UBR3: variants seen among roughly 807,000 people sequenced by gnomAD.
UBR3 encodes E3 ubiquitin-protein ligase UBR3.
A neutral mutation model predicts 243.2 loss-of-function variants in UBR3; 85 were observed. That is an observed-to-expected ratio of 0.35 (90% CI 0.29 to 0.42). The LOEUF is 0.42. Among genes scored for constraint, UBR3 ranks in the 10% least tolerant of loss-of-function variants. The pLI is 1.00. For missense variants in UBR3, 1,686 were observed against 2,300.8 expected (o/e 0.73, Z 5.47); for synonymous variants, 748 against 799.8 (o/e 0.94, Z 1.09).
intron 1 of UBR3, among the ~76,000 whole-genome samples, chr2:169,854,584 ATAT>A (rs2082772306): frequency 6.6e-6 from 1 of 152,146 alleles, no homozygotes; most frequent in Non-Finnish European, 1.5e-5. Context: ...AGTTTTTTTA[ATAT>A]TATAAACTTA....
At chr2:170,054,963 G>A (rs2091301194) in intron 32 of UBR3, among the ~76,000 whole-genome samples, 1 of 152,110 alleles carries the variant, frequency 6.6e-6, no homozygotes, top group African/African-American at 2.4e-5. Context: ...ATGAATAGAG[G>A]AATTTTGCTT....
At chr2:169,989,622 A>G (rs1488705040) in intron 25 of UBR3, among the ~76,000 whole-genome samples, 1 of 152,184 alleles carries the variant, frequency 6.6e-6, no homozygotes, top group Non-Finnish European at 1.5e-5. Flanking sequence ...ATTTCACTTC[A>G]TCACCTATTT....
intron 37 of UBR3, 86 bp downstream of exon 37, chr2:170,080,109 A>C: frequency 1.7e-6 from 2 of 1,208,850 alleles, no homozygotes; most frequent in Non-Finnish European, 2.3e-6. Context: ...CATATTAACT[A>C]CTCTTTGAAT....
chr2:169,986,632 T>A lies in UBR3; in HGVS notation c.3635-13T>A, dbSNP rs1239222160. ...TCCTAAGGAATTAAAGAGATGTAAC[T>A]TTTTTCCCTCAGATTCTCCTGAGAA... On this transcript the variant is annotated splice_polypyrimidine_tract_variant and intron_variant, in intron 24 of 38. Coordinates refer to ENST00000272793, the MANE Select transcript of UBR3 (RefSeq NM_172070.4). 1 of 1,599,930 alleles carries A rather than the reference T, an allele frequency of 6.3e-7. No individual in the cohort carries two copies. The highest frequency in any genetic ancestry group is 8.5e-7 in the Non-Finnish European group (1 of 1,174,128).
rs1165084148 is a variant in UBR3, at chr2:169,926,932, A to C, written c.2299A>C (p.Thr767Pro). 6.4e-7 allele frequency: 1 copy of C among 1,551,134 alleles called. No homozygotes were observed. The highest frequency in any genetic ancestry group is 2.0e-5 in the Admixed American group (1 of 51,002). Residue 767 changes from threonine to proline, a missense_variant, in exon 16 of 39, where the codon ACA becomes CCA. Physicochemically the swap from Thr to Pro is conservative, Grantham distance 38. Around this residue, in one of 8 missense-constraint regions of UBR3, gnomAD observed 346 missense variants for 585.8 expected, o/e 0.59. Transcript: ENST00000272793. Reference sequence around the variant, plus strand: ...GAGGTCGATGTTAGAAGGCGCTCTTACATTTCTTGTGATTCTTTTGAGTCT... The same window carrying C: ...GAGGTCGATGTTAGAAGGCGCTCTTCCATTTCTTGTGATTCTTTTGAGTCT... Reference protein sequence around the residue: ...HERSMLEGALTFLVILLSLRL... With the variant: ...HERSMLEGALPFLVILLSLRL...
At chr2:169,891,611 G>GACACACACACACAC (rs202022960) in intron 6 of UBR3, among the ~76,000 whole-genome samples, 1,097 of 82,274 alleles carry the variant, frequency 0.013, 14 homozygotes, top group African/African-American at 0.041. Flanking sequence ...GAGAGAGACA[G>GACACACACACACAC]AGACACACAC....
In UBR3 at chr2:169,905,296, AT is replaced by A; in HGVS notation, c.1645+4del. On this transcript the variant is annotated splice_donor_region_variant and intron_variant, in intron 9 of 38. Transcript: ENST00000272793. ...GAACTTTGTATCTTTCTTTCAAGGT[AT>A]GAATTTTATCCCTTTGTTAATTTTT... The A allele has an allele frequency of 4.0e-6, 6 of 1,495,074 alleles. No homozygotes were observed. The highest frequency in any genetic ancestry group is 5.3e-6 in the Non-Finnish European group (6 of 1,122,952). The allele number at this position is 1,495,074 out of a possible 1,614,324, so 92.6% of individuals were successfully genotyped here. A position where few individuals can be genotyped will look rare whatever the true frequency, so the allele number is the denominator to read the frequency against.
chr2:169,877,527 A>G lies in UBR3; in HGVS notation c.878A>G (p.His293Arg), dbSNP rs943547515. The change falls in exon 4 of 39, where the codon CAT (histidine) becomes CGT (arginine). Residue 293 changes from histidine (H) to arginine (R), a missense_variant. Physicochemically the swap from His to Arg is conservative, Grantham distance 29 (BLOSUM62 0). Coordinates refer to ENST00000272793, the MANE Select transcript of UBR3 (RefSeq NM_172070.4). ...LGENACVKKSHEKYLIALKSS... is the reference protein window; with the variant it reads ...LGENACVKKSREKYLIALKSS... ...GAAAATGCTTGTGTAAAGAAAAGTC[A>G]TGAAAAGTACCTTATAGCTTTAAAG... is the stretch of plus-strand genomic sequence containing the variant. 6.5e-7 allele frequency: 1 copy of G among 1,537,986 alleles called. No individual in the cohort carries two copies. Among genetic ancestry groups the G allele is most frequent in the Non-Finnish European group, 8.7e-7 (1 of 1,144,146 alleles).
rs754272345 is a variant in UBR3, at chr2:170,079,786, T to A, written c.5200-28T>A. 4 of 1,573,316 alleles carry A rather than the reference T, an allele frequency of 2.5e-6. No individual in the cohort carries two copies. The Admixed American group carries it at 5.5e-5, about 22-fold the overall frequency. ...TGTTAGTGACTTAAATACATAAAACTAATGAATATTTTTGGATAATGTTTT... is the reference window on the plus strand; with the variant it reads ...TGTTAGTGACTTAAATACATAAAACAAATGAATATTTTTGGATAATGTTTT... On this transcript the variant is annotated intron_variant, in intron 36 of 38. Coordinates refer to ENST00000272793, the MANE Select transcript of UBR3 (RefSeq NM_172070.4).
chr2:169,996,158 A>G (rs2089470324), intron 26 of UBR3, among the ~76,000 whole-genome samples: 1 of 152,332 alleles, frequency 6.6e-6, no homozygotes, highest in African/African-American at 2.4e-5. Flanking sequence ...GAGCCAGAGT[A>G]GAGTCTGGTT....
At chr2:169,870,709 A>T (rs2083407342) in intron 1 of UBR3, among the ~76,000 whole-genome samples, 1 of 151,724 alleles carries the variant, frequency 6.6e-6, no homozygotes, top group Non-Finnish European at 1.5e-5. Context: ...GCTGGAGTGC[A>T]GTGGCACGGT....
chr2:170,060,973 A>G (rs1443816352), intron 33 of UBR3, 106 bp from the exon 34 acceptor site: 1 of 771,962 alleles, frequency 1.3e-6, no homozygotes, highest in Admixed American at 3.6e-5. Context: ...CATATGCTTG[A>G]AAAATAATAT....
intron 1 of UBR3, among the ~76,000 whole-genome samples, chr2:169,854,950 A>G (rs2082785870): frequency 6.6e-6 from 1 of 152,230 alleles, no homozygotes; most frequent in South Asian, 2.1e-4. Flanking sequence ...TCATTAAAAC[A>G]TTGTCATTTA....
At chr2:170,039,732 A>G (rs1006372121) in intron 31 of UBR3, among the ~76,000 whole-genome samples, 21 of 152,220 alleles carry the variant, frequency 1.4e-4, no homozygotes. Flanking sequence ...CTTAAGATTT[A>G]CTTTTCTTCT....
At position 169,926,863 on chromosome 2, in the gene UBR3, A is replaced by T; in HGVS notation, c.2230A>T (p.Met744Leu). ...ATTTAAGGTAGTGGATTTGTTGACA[A>T]TGGCATCACAACATCAAAATACAGT... ...ERFKVVDLLTMASQHQNTVLD... is the reference protein window; with the variant it reads ...ERFKVVDLLTLASQHQNTVLD... Residue 744 changes from methionine (M) to leucine (L), a missense_variant, in exon 16 of 39, where the codon ATG (methionine) becomes TTG (leucine). Transcript: ENST00000272793. 6.5e-7 allele frequency: 1 copy of T among 1,549,516 alleles called. No homozygotes were observed. Among genetic ancestry groups the T allele is most frequent in the East Asian group, 2.4e-5 (1 of 40,856 alleles).
chr2:169,907,425 C>T (rs1407475801), intron 10 of UBR3, among the ~76,000 whole-genome samples: 1 of 152,148 alleles, frequency 6.6e-6, no homozygotes, highest in African/African-American at 2.4e-5. Flanking sequence ...AAACTTTCTT[C>T]CCTTGCTGTG....
chr2:169,987,402 A>AC (rs1269973231), intron 25 of UBR3, among the ~76,000 whole-genome samples: 7 of 150,486 alleles, frequency 4.7e-5, no homozygotes, highest in African/African-American at 1.7e-4. Flanking sequence ...CAAAAAAAAA[A>AC]AAAAAACAAA....
intron 25 of UBR3, among the ~76,000 whole-genome samples, chr2:169,990,650 A>C (rs2089229754): frequency 6.6e-6 from 1 of 151,882 alleles, no homozygotes; most frequent in Non-Finnish European, 1.5e-5. Flanking sequence ...ATTTATTTAA[A>C]TTTGATTGTT....
chr2:169,861,606 CAAAAAAAAAAAA>C (rs56963417), intron 1 of UBR3, among the ~76,000 whole-genome samples: 1 of 92,106 alleles, frequency 1.1e-5, no homozygotes, highest in South Asian at 3.0e-4. Flanking sequence ...GACTCTGTCT[CAAAAAAAAAAAA>C]AAAGAAAAGA....
Sources: gnomAD v4.1 joint callset for allele counts (sites outside exome capture counted in the v4.1 genomes callset) on GRCh38, gnomAD v4.1.1 for gene constraint, gnomAD v4.1.1 regional missense constraint, MANE v1.5 for transcripts, NCBI Gene and HGNC (gene_info 2026-07-23, HGNC 2026-07-21) for gene names.